MFSD6: variants seen among roughly 807,000 people sequenced by gnomAD.
MFSD6 encodes major facilitator superfamily domain containing 6.
A neutral mutation model predicts 56.3 loss-of-function variants in MFSD6; 26 were observed. The ratio of observed to expected loss-of-function variants is 0.46; its 90% CI spans 0.34 to 0.64. The LOEUF (loss-of-function observed/expected upper bound fraction) is 0.64. MFSD6 is among the 30% of genes least tolerant of loss of function. MFSD6 has a pLI of 0.01. For missense variants in MFSD6, 750 were observed against 986.2 expected (o/e 0.76, Z 3.21); for synonymous variants, 331 against 366.9 (o/e 0.90, Z 1.12).
rs1686107425 is a variant in MFSD6 at position 190,434,400 on chromosome 2, C to T, written c.-53-1577C>T. Among the ~76,000 whole-genome samples the T allele has an allele frequency of 6.6e-6, 1 of 152,030 alleles. No individual in the cohort carries two copies. The highest frequency in any genetic ancestry group is 1.5e-5 in the Non-Finnish European group (1 of 68,004). The stretch of plus-strand genomic sequence containing the variant: ...TATAAATTTATATAAATGTATATTG[C>T]TAATATCGTATATGAAAAACATTTA... On this transcript the variant is annotated intron_variant, in intron 2 of 7. Coordinates refer to ENST00000392328, the MANE Select transcript of MFSD6 (RefSeq NM_017694.4). This position sits in a 1 kb window ranked among gnomAD's most constrained non-coding sequence, Gnocchi z 4.3.
At position 190,498,214 on chromosome 2, in the gene MFSD6, C is replaced by T. The variant is rs1233828215; in HGVS notation, c.2172+495C>T. On this transcript the variant is annotated intron_variant, in intron 7 of 7. Coordinates refer to ENST00000392328, the MANE Select transcript of MFSD6 (RefSeq NM_017694.4). This position sits in a 1 kb window ranked among gnomAD's most constrained non-coding sequence, Gnocchi z 5.9. ...AGTCTAAAAGTGTGATTTTTCTTGT[C>T]CCCAGAGGAGTGATCTTTCCTGAGT... Among the ~76,000 whole-genome samples, 1 of 152,090 alleles carries T rather than the reference C, an allele frequency of 6.6e-6. No homozygotes were observed. The highest frequency in any genetic ancestry group is 1.5e-5 in the Non-Finnish European group (1 of 68,022).
At position 190,467,094 on chromosome 2, in the gene MFSD6, A is replaced by G. The variant is rs529676226; in HGVS notation, c.1533-2664A>G. Among the ~76,000 whole-genome samples, 1 of 152,348 alleles carries G rather than the reference A, an allele frequency of 6.6e-6. No individual in the cohort carries two copies. Among genetic ancestry groups the G allele is most frequent in the African/African-American group, 2.4e-5 (1 of 41,580 alleles). ...TCAGGATAGACAATTTGTGAACACT[A>G]GGAAAGTGGATTACCAACATTGTTT... is the stretch of plus-strand genomic sequence containing the variant. On this transcript the variant is annotated intron_variant, in intron 3 of 7. Transcript: ENST00000392328. The surrounding 1 kb of genome is among the most constrained non-coding windows in gnomAD (Gnocchi z 5.5).
rs774661472 is a variant in MFSD6, at chr2:190,461,299, T to C, written c.1533-8459T>C. Among the ~76,000 whole-genome samples, 3 of 152,198 alleles carry C rather than the reference T, an allele frequency of 2.0e-5. No individual in the cohort carries two copies. The highest frequency in any genetic ancestry group is 4.4e-5 in the Non-Finnish European group (3 of 68,040). On this transcript the variant is annotated intron_variant, in intron 3 of 7. Transcript: ENST00000392328. This position sits in a 1 kb window ranked among gnomAD's most constrained non-coding sequence, Gnocchi z 5.5. ...ATTCTTTGAGAAAGTAGACATGCAC[T>C]TGGAAAAACATTCAAAAGGTATTTA...
intron 3 of MFSD6, among the ~76,000 whole-genome samples, chr2:190,450,819 G>A (rs1030513150): frequency 6.6e-5 from 10 of 152,114 alleles, no homozygotes; most frequent in Non-Finnish European, 1.5e-5. Context: ...CCTTTAAAAA[G>A]TTAACATATA....
In MFSD6 at chr2:190,457,016, T is replaced by C. The variant is rs1687076075; in HGVS notation, c.1533-12742T>C. Among the ~76,000 whole-genome samples, 1 of 152,200 alleles carries C rather than the reference T, an allele frequency of 6.6e-6. No individual in the cohort carries two copies. Among genetic ancestry groups the C allele is most frequent in the South Asian group, 2.1e-4 (1 of 4,830 alleles). On this transcript the variant is annotated intron_variant, in intron 3 of 7. Coordinates refer to ENST00000392328, the MANE Select transcript of MFSD6 (RefSeq NM_017694.4). This position sits in a 1 kb window ranked among gnomAD's most constrained non-coding sequence, Gnocchi z 5.1. ...AACATAAACGTTCATCCAGCTTCCT[T>C]AATCCGCGCGCACAGCTGAGTTCAG...
In MFSD6 at chr2:190,410,790, G is replaced by A. The variant is rs968528426; in HGVS notation, c.-176+2287G>A. Among the ~76,000 whole-genome samples the A allele has an allele frequency of 7.9e-5, 12 of 152,294 alleles. No homozygotes were observed. Among genetic ancestry groups the A allele is most frequent in the African/African-American group, 2.9e-4 (12 of 41,552 alleles). ...ATGAAAAAAATGGCTGGGCAAGGTGGCTCATGCCTGTAATCCCAGCACTTT... is the reference window on the plus strand; with the variant it reads ...ATGAAAAAAATGGCTGGGCAAGGTGACTCATGCCTGTAATCCCAGCACTTT... On this transcript the variant is annotated intron_variant, in intron 1 of 7. Coordinates refer to ENST00000392328, the MANE Select transcript of MFSD6 (RefSeq NM_017694.4). This position sits in a 1 kb window ranked among gnomAD's most constrained non-coding sequence, Gnocchi z 4.4.
rs759249619 is a variant in MFSD6 at position 190,437,149 on chromosome 2, G to C, written c.1120G>C (p.Val374Leu). ...EYRNYQIVFI[V>L]FGVLMTMALI... ...CAGGAATTACCAGATCGTCTTCATC[G>C]TCTTCGGCGTTCTCATGACCATGGC... Residue 374 changes from valine (V) to leucine (L), a missense_variant, in exon 3 of 8, where the codon GTC becomes CTC. By Grantham distance (32) the Val-to-Leu change is conservative. This residue lies in a region of MFSD6 where 376 missense variants were observed against 437.9 expected (regional missense o/e 0.86). Coordinates refer to ENST00000392328, the MANE Select transcript of MFSD6 (RefSeq NM_017694.4). The surrounding 1 kb of genome is among the most constrained non-coding windows in gnomAD (Gnocchi z 5.9). 1 of 1,614,102 alleles carries C rather than the reference G, an allele frequency of 6.2e-7. No homozygotes were observed. The highest frequency in any genetic ancestry group is 8.5e-7 in the Non-Finnish European group (1 of 1,180,054).
At chr2:190,453,787 T>C (rs1686871054) in intron 3 of MFSD6, among the ~76,000 whole-genome samples, 1 of 152,224 alleles carries the variant, frequency 6.6e-6, no homozygotes, top group African/African-American at 2.4e-5. Flanking sequence ...TTGCCCCAAA[T>C]AGCCTAATGA....
chr2:190,432,459 G>C (rs1237188184), intron 2 of MFSD6, among the ~76,000 whole-genome samples: 1 of 152,152 alleles, frequency 6.6e-6, no homozygotes, highest in Non-Finnish European at 1.5e-5. Context: ...CCGTCACCCA[G>C]GCTGGAGAAT....
intron 4 of MFSD6, among the ~76,000 whole-genome samples, chr2:190,477,681 C>T (rs1174390524): frequency 2.0e-5 from 3 of 152,282 alleles, no homozygotes; most frequent in Non-Finnish European, 4.4e-5. Flanking sequence ...CATATATTAA[C>T]TCAGGCCACA....
Position 190,487,353 on chromosome 2 carries a change from C to G in MFSD6, c.1631-1304C>G, listed in dbSNP as rs571318441. Among the ~76,000 whole-genome samples the G allele has an allele frequency of 3.9e-5, 6 of 152,088 alleles. No homozygotes were observed. Among genetic ancestry groups the G allele is most frequent in the African/African-American group, 1.4e-4 (6 of 41,506 alleles). ...ATACTCCATCTCAAACAAAACAAAA[C>G]AAAACATAAAAATTGTTATATCCTT... On this transcript the variant is annotated intron_variant, in intron 4 of 7. Transcript: ENST00000392328. This position sits in a 1 kb window ranked among gnomAD's most constrained non-coding sequence, Gnocchi z 5.5.
rs771320701 is a variant in MFSD6, at chr2:190,489,724, G to A, written c.1793-44G>A. On this transcript the variant is annotated intron_variant, in intron 5 of 7. Coordinates refer to ENST00000392328, the MANE Select transcript of MFSD6 (RefSeq NM_017694.4). The surrounding 1 kb of genome is among the most constrained non-coding windows in gnomAD (Gnocchi z 6.6). ...TGATGGTTTTAGATGAGCGCTATCTGCATTTCTTGGAATTACTCTATAGAG... is the reference window on the plus strand; with the variant it reads ...TGATGGTTTTAGATGAGCGCTATCTACATTTCTTGGAATTACTCTATAGAG... The A allele has an allele frequency of 5.8e-6, 9 of 1,552,292 alleles. No individual in the cohort carries two copies. The South Asian group carries it at 1.0e-4, about 18-fold the overall frequency.
Position 190,440,034 on chromosome 2 carries a change from T to C in MFSD6, c.1532+2473T>C, listed in dbSNP as rs181966877. On this transcript the variant is annotated intron_variant, in intron 3 of 7. Transcript: ENST00000392328. ...TCTCTGAATTATGAGCCTTGATGTG[T>C]TGCTTGTAGGATCACAGAAGTAGAT... is the stretch of plus-strand genomic sequence containing the variant. Among the ~76,000 whole-genome samples the C allele has an allele frequency of 2.3e-4, 35 of 152,324 alleles. No homozygotes were observed. The East Asian group carries it at 6.5e-3, about 29-fold the overall frequency.
At chr2:190,435,729 T>TG (rs1458651175) in intron 2 of MFSD6, among the ~76,000 whole-genome samples, 2 of 152,234 alleles carry the variant, frequency 1.3e-5, no homozygotes, top group African/African-American at 4.8e-5. Context: ...AGACTGGGAA[T>TG]GAATCTGAGC....
rs1686092299 is a variant in MFSD6 at position 190,434,026 on chromosome 2, T to C, written c.-53-1951T>C. On this transcript the variant is annotated intron_variant, in intron 2 of 7. Transcript: ENST00000392328. The surrounding 1 kb of genome is among the most constrained non-coding windows in gnomAD (Gnocchi z 4.3). ...GGCAACATGGCAAAAACCCCATCTC[T>C]ACAAAAATTAGTTGGGCATGGTGGC... Among the ~76,000 whole-genome samples the C allele has an allele frequency of 2.0e-5, 3 of 151,958 alleles. 1 individual carries two copies. The highest frequency in any genetic ancestry group is 4.2e-4 in the South Asian group (2 of 4,796).
rs948618737 is a variant in MFSD6, at chr2:190,499,542, T to C, written c.2173-473T>C. Among the ~76,000 whole-genome samples, 3 of 152,358 alleles carry C rather than the reference T, an allele frequency of 2.0e-5. No homozygotes were observed. In the East Asian group the frequency reaches 5.8e-4, roughly 29 times the overall value. ...CCAAATATATATCAGGACTCTTAAT[T>C]ACAGGACATTCTTTCCCAGCTCTGC... On this transcript the variant is annotated intron_variant, in intron 7 of 7. Coordinates refer to ENST00000392328, the MANE Select transcript of MFSD6 (RefSeq NM_017694.4). The surrounding 1 kb of genome is among the most constrained non-coding windows in gnomAD (Gnocchi z 6.0).
chr2:190,436,941 T>C lies in MFSD6; in HGVS notation c.912T>C (p.Ser304=), dbSNP rs753738720. ...VVIIGEFFSA[S]SVTIVDTVTL... ...TAATAGGAGAATTTTTCAGTGCCTC[T>C]TCTGTCACAATCGTAGACACGGTCA... Residue 304 remains serine (S), a synonymous_variant, in exon 3 of 8, where the codon TCT becomes TCC. Transcript: ENST00000392328. This position sits in a 1 kb window ranked among gnomAD's most constrained non-coding sequence, Gnocchi z 5.3. 1.2e-6 allele frequency: 2 copies of C among 1,614,260 alleles called. No homozygotes were observed. Among genetic ancestry groups the C allele is most frequent in the South Asian group, 2.2e-5 (2 of 91,086 alleles).
intron 4 of MFSD6, among the ~76,000 whole-genome samples, chr2:190,480,431 A>G (rs1322669497): frequency 6.6e-6 from 1 of 152,250 alleles, no homozygotes; most frequent in African/African-American, 2.4e-5. Context: ...AAGAAATTCT[A>G]TCTCAAAAAC....
chr2:190,440,754 A>T (rs1392683616), intron 3 of MFSD6, among the ~76,000 whole-genome samples: 1 of 152,198 alleles, frequency 6.6e-6, no homozygotes, highest in Non-Finnish European at 1.5e-5. Flanking sequence ...CCATGCAAAT[A>T]TTATCCGGGG....
Sources: allele counts gnomAD v4.1 joint callset (sites outside exome capture counted in the v4.1 genomes callset), GRCh38; gene constraint gnomAD v4.1.1; regional missense constraint gnomAD v4.1.1; non-coding constraint Gnocchi (gnomAD v3.1); transcripts MANE v1.5; gene names NCBI Gene and HGNC (gene_info 2026-07-23, HGNC 2026-07-21).